PIP5K1C: variants seen among roughly 807,000 people sequenced by gnomAD.
PIP5K1C encodes phosphatidylinositol 4-phosphate 5-kinase type-1 gamma.
Under a neutral mutation model 80.1 loss-of-function variants are expected in PIP5K1C, and 45 were observed. That is an observed-to-expected ratio of 0.56 (90% CI 0.44 to 0.72). PIP5K1C has a LOEUF of 0.72. Ranked by LOEUF, PIP5K1C falls within the 30% of genes least tolerant of loss-of-function variation. The probability of loss-of-function intolerance (pLI) is 0.00; values close to 1 mark genes in which losing one functional copy is unlikely to be tolerated. For missense variants in PIP5K1C, 753 were observed against 954.6 expected, an observed-to-expected ratio of 0.79 and a Z score of 2.78; for synonymous variants, 498 against 420.1, an observed-to-expected ratio of 1.19 and a Z score of -2.27.
chr19:3,642,971 G>A (rs1161838700), intron 13 of PIP5K1C, 32 bp from the exon 14 acceptor site: 4 of 1,612,358 alleles, frequency 2.5e-6, no homozygotes, highest in African/African-American at 2.7e-5. Context: ...GTGACACCCA[G>A]AAAGAGAGTG....
intron 4 of PIP5K1C, 118 bp downstream of exon 4, chr19:3,661,753 A>G: frequency 8.2e-7 from 1 of 1,218,522 alleles, no homozygotes; most frequent in Admixed American, 1.8e-5. Flanking sequence ...AAGGCCAAGG[A>G]GGCGCCAGGA....
In PIP5K1C at chr19:3,656,575, G is replaced by A. The variant is rs1016425621; in HGVS notation, c.469-18C>T. ...AGGGAGTACTGGAAGCAGAGGAGGCGGGTCAGCGGGCCCCAAGCTGCCGGA... is the reference window on the plus strand; with the variant it reads ...AGGGAGTACTGGAAGCAGAGGAGGCAGGTCAGCGGGCCCCAAGCTGCCGGA... On this transcript the variant is annotated intron_variant, in intron 5 of 17. Transcript: ENST00000335312. 1.6e-5 allele frequency: 26 copies of A among 1,612,654 alleles called. No individual in the cohort carries two copies. Among genetic ancestry groups the A allele is most frequent in the East Asian group, 2.2e-5 (1 of 44,894 alleles).
At chr19:3,674,796 C>T (rs965836092) in intron 1 of PIP5K1C, among the ~76,000 whole-genome samples, 1 of 152,222 alleles carries the variant, frequency 6.6e-6, no homozygotes, top group African/African-American at 2.4e-5. Flanking sequence ...CCACCGTGCC[C>T]GGCCTATCTG....
intron 5 of PIP5K1C, among the ~76,000 whole-genome samples, chr19:3,660,557 G>A (rs574764357): frequency 3.5e-4 from 53 of 152,242 alleles, no homozygotes; most frequent in African/African-American, 1.2e-3. Flanking sequence ...TAGGAGGTCC[G>A]ACTCTACGCT....
intron 1 of PIP5K1C, among the ~76,000 whole-genome samples, chr19:3,668,644 G>A (rs1045748111): frequency 6.6e-6 from 1 of 152,224 alleles, no homozygotes; most frequent in Non-Finnish European, 1.5e-5. Flanking sequence ...CGACTGCAGG[G>A]ATCGCACGTG....
At chr19:3,662,068 AC>A (rs978749246) in intron 3 of PIP5K1C, 67 bp from the exon 4 acceptor site, 1 of 1,517,920 alleles carries the variant, frequency 6.6e-7, no homozygotes, top group Non-Finnish European at 8.8e-7. Context: ...CCCTGTGTGC[AC>A]CGGGGGGTGG....
At chr19:3,687,586 C>A (rs1320971130) in intron 1 of PIP5K1C, among the ~76,000 whole-genome samples, 1 of 150,522 alleles carries the variant, frequency 6.6e-6, no homozygotes, top group Admixed American at 6.6e-5. Flanking sequence ...CACACACATG[C>A]AGATACACAC....
In PIP5K1C at chr19:3,692,913, C is replaced by G. The variant is rs1481934620; in HGVS notation, c.94+7384G>C. On this transcript the variant is annotated intron_variant, in intron 1 of 17. Coordinates refer to ENST00000335312, the MANE Select transcript of PIP5K1C (RefSeq NM_012398.3). This position sits in a 1 kb window ranked among gnomAD's most constrained non-coding sequence, Gnocchi z 5.2. ...GCACAGTGCCTCTGCCAGACAGCTC[C>G]CTCCACACTTCCACAACCCCCTCAC... is the stretch of plus-strand genomic sequence containing the variant. Among the ~76,000 whole-genome samples the G allele has an allele frequency of 1.3e-5, 2 of 151,990 alleles. No individual in the cohort carries two copies. The highest frequency in any genetic ancestry group is 2.9e-5 in the Non-Finnish European group (2 of 67,974).
intron 1 of PIP5K1C, among the ~76,000 whole-genome samples, chr19:3,685,082 G>A (rs937849490): frequency 6.6e-6 from 1 of 152,156 alleles, no homozygotes; most frequent in African/African-American, 2.4e-5. Context: ...ACAGGCAGAG[G>A]AAAAGAAAAC....
intron 8 of PIP5K1C, chr19:3,649,876 C>A: frequency 3.6e-6 from 1 of 280,312 alleles, no homozygotes; most frequent in South Asian, 3.0e-5. Flanking sequence ...CCCACACGTC[C>A]CCTGCCCAGC....
At chr19:3,668,577 C>T (rs2035096397) in intron 1 of PIP5K1C, 2 of 152,232 alleles carry the variant, frequency 1.3e-5, no homozygotes, top group Admixed American at 1.3e-4. Context: ...CCTGGTGAGG[C>T]CCCGTTCTGG....
intron 12 of PIP5K1C, 35 bp from the exon 13 acceptor site, chr19:3,643,416 C>G (rs1242885839): frequency 6.2e-7 from 1 of 1,611,148 alleles, no homozygotes; most frequent in East Asian, 2.2e-5. Flanking sequence ...CTTGCGGAGC[C>G]TCCGAGCCCC....
At chr19:3,699,123 C>T (rs1179357317) in intron 1 of PIP5K1C, among the ~76,000 whole-genome samples, 1 of 151,988 alleles carries the variant, frequency 6.6e-6, no homozygotes. Context: ...GGGCTGACAG[C>T]GGAAGTTGGG....
intron 1 of PIP5K1C, among the ~76,000 whole-genome samples, chr19:3,684,797 T>C (rs1046618841): frequency 2.6e-5 from 4 of 152,196 alleles, no homozygotes; most frequent in Non-Finnish European, 5.9e-5. Context: ...GGCGGCTCTC[T>C]CCCTCTGAGC....
intron 16 of PIP5K1C, among the ~76,000 whole-genome samples, chr19:3,635,125 C>T (rs1057198794): frequency 1.3e-5 from 2 of 152,240 alleles, no homozygotes; most frequent in African/African-American, 4.8e-5. Context: ...CCACCTGAGC[C>T]CTGAAAGAAC....
In PIP5K1C at chr19:3,688,419, G is replaced by A. The variant is rs2035839919; in HGVS notation, c.94+11878C>T. Among the ~76,000 whole-genome samples the A allele has an allele frequency of 6.6e-6, 1 of 152,150 alleles. No individual in the cohort carries two copies. The highest frequency in any genetic ancestry group is 1.5e-5 in the Non-Finnish European group (1 of 68,008). ...CTGGCCCCCTGCTGTGGGCGGGGAGGGATCTAGAAGACCGGAAGGCTATTT... is the reference window on the plus strand; with the variant it reads ...CTGGCCCCCTGCTGTGGGCGGGGAGAGATCTAGAAGACCGGAAGGCTATTT... On this transcript the variant is annotated intron_variant, in intron 1 of 17. Transcript: ENST00000335312. The surrounding 1 kb of genome is among the most constrained non-coding windows in gnomAD (Gnocchi z 5.3).
intron 16 of PIP5K1C, among the ~76,000 whole-genome samples, chr19:3,634,983 T>C (rs1179198331): frequency 6.6e-6 from 1 of 152,232 alleles, no homozygotes; most frequent in Non-Finnish European, 1.5e-5. Context: ...GACGTGGGAA[T>C]GGCAGGTCAG....
intron 7 of PIP5K1C, 39 bp downstream of exon 7, chr19:3,653,251 C>T (rs2034512700): frequency 6.3e-7 from 1 of 1,592,014 alleles, no homozygotes; most frequent in East Asian, 2.2e-5. Flanking sequence ...CGCAGTCCCA[C>T]CTGCCACCCT....
At chr19:3,659,491 T>C (rs1445844444) in intron 5 of PIP5K1C, among the ~76,000 whole-genome samples, 2 of 152,256 alleles carry the variant, frequency 1.3e-5, no homozygotes, top group Admixed American at 1.3e-4. Flanking sequence ...GTGCTGTCTC[T>C]CTGCTACGAG....
Sources: gnomAD v4.1 joint callset for allele counts (sites outside exome capture counted in the v4.1 genomes callset) on GRCh38, gnomAD v4.1.1 for gene constraint, Gnocchi (gnomAD v3.1) non-coding constraint, MANE v1.5 for transcripts, NCBI Gene and HGNC (gene_info 2026-07-23, HGNC 2026-07-21) for gene names.